Variants in KLF7 observed in about 807,000 individuals in gnomAD.
The protein encoded by KLF7 is Krueppel-like factor 7.
A neutral mutation model predicts 27.3 loss-of-function variants in KLF7; 2 were observed. The ratio of observed to expected loss-of-function variants is 0.07; its 90% CI spans 0.03 to 0.23. KLF7 has a LOEUF of 0.23. KLF7 is among the 10% of genes least tolerant of loss of function. The probability of loss-of-function intolerance (pLI) is 1.00; values close to 1 mark genes in which losing one functional copy is unlikely to be tolerated. For synonymous variants in KLF7, 165 were observed against 162.4 expected, an observed-to-expected ratio of 1.02 and a Z score of -0.12; for missense variants, 221 against 394.1, an observed-to-expected ratio of 0.56 and a Z score of 3.72.
At chr2:207,113,796 C>G (rs2077104809) in intron 2 of KLF7, among the ~76,000 whole-genome samples, 1 of 152,156 alleles carries the variant, frequency 6.6e-6, no homozygotes, top group Non-Finnish European at 1.5e-5. Flanking sequence ...CCCCTTCTCA[C>G]ATTTTCCTCA....
chr2:207,092,268 A>C (rs2076529524), intron 2 of KLF7, among the ~76,000 whole-genome samples: 1 of 152,214 alleles, frequency 6.6e-6, no homozygotes, highest in Non-Finnish European at 1.5e-5. Context: ...GAGAGACTTA[A>C]AAACCCAGGA....
chr2:207,085,827 C>CA (rs2076375207), intron 3 of KLF7, among the ~76,000 whole-genome samples: 1 of 152,164 alleles, frequency 6.6e-6, no homozygotes, highest in African/African-American at 2.4e-5. Context: ...GAAACATAGT[C>CA]ATCACATGGC....
chr2:207,087,603 G>C (rs2076420421), intron 3 of KLF7, among the ~76,000 whole-genome samples: 1 of 152,100 alleles, frequency 6.6e-6, no homozygotes, highest in Non-Finnish European at 1.5e-5. Context: ...TCATAACCGA[G>C]ACCTTTAGTA....
intron 2 of KLF7, among the ~76,000 whole-genome samples, chr2:207,112,701 T>C (rs986497155): frequency 6.6e-6 from 1 of 152,242 alleles, no homozygotes; most frequent in Non-Finnish European, 1.5e-5. Flanking sequence ...ATCACTTCAC[T>C]TCTAAAGAAT....
chr2:207,146,728 GA>G (rs539371765), intron 1 of KLF7, among the ~76,000 whole-genome samples: 3 of 150,868 alleles, frequency 2.0e-5, no homozygotes, highest in South Asian at 2.1e-4. Flanking sequence ...ACAAAAAGAA[GA>G]AAAAAAAACC....
intron 2 of KLF7, among the ~76,000 whole-genome samples, chr2:207,106,850 G>A (rs1156581660): frequency 6.6e-6 from 1 of 152,160 alleles, no homozygotes; most frequent in Non-Finnish European, 1.5e-5. Flanking sequence ...GGTGGGGTCT[G>A]CTCCACTGTC....
chr2:207,170,200 G>A (rs192523040), upstream of KLF7, among the ~76,000 whole-genome samples: 1 of 152,322 alleles, frequency 6.6e-6, no homozygotes, highest in East Asian at 1.9e-4. Context: ...CTGATATGGA[G>A]AACGTTTTAG....
intron 1 of KLF7, among the ~76,000 whole-genome samples, chr2:207,163,964 A>C (rs368276693): frequency 6.6e-6 from 1 of 152,262 alleles, no homozygotes; most frequent in South Asian, 2.1e-4. Context: ...AAAATATGTG[A>C]ACTGTGTATG....
chr2:207,091,770 T>C (rs1472166572), intron 2 of KLF7, among the ~76,000 whole-genome samples: 2 of 152,148 alleles, frequency 1.3e-5, no homozygotes, highest in African/African-American at 4.8e-5. Flanking sequence ...CAATTCCTAC[T>C]GGAAAGGCAG....
chr2:207,147,021 A>G (rs1337308067), intron 1 of KLF7, among the ~76,000 whole-genome samples: 1 of 152,174 alleles, frequency 6.6e-6, no homozygotes, highest in Non-Finnish European at 1.5e-5. Flanking sequence ...GCACTTGCCA[A>G]TTGGGTATAA....
intron 2 of KLF7, among the ~76,000 whole-genome samples, chr2:207,111,551 T>C (rs1429959523): frequency 6.6e-6 from 1 of 152,148 alleles, no homozygotes; most frequent in Non-Finnish European, 1.5e-5. Context: ...GTCAACCGGT[T>C]TGCTTGATGT....
chr2:207,084,745 C>G (rs1298394809), intron 3 of KLF7, among the ~76,000 whole-genome samples: 2 of 152,100 alleles, frequency 1.3e-5, no homozygotes, highest in African/African-American at 4.8e-5. Flanking sequence ...GAGTAATATA[C>G]CCCTAGAGGG....
At chr2:207,152,384 T>C (rs1442280703) in intron 1 of KLF7, among the ~76,000 whole-genome samples, 1 of 152,108 alleles carries the variant, frequency 6.6e-6, no homozygotes, top group African/African-American at 2.4e-5. Context: ...CAGGCTTTTT[T>C]GTTAATGAGG....
chr2:207,135,456 G>T (rs1167961731), intron 1 of KLF7, among the ~76,000 whole-genome samples: 1 of 149,800 alleles, frequency 6.7e-6, no homozygotes, highest in Non-Finnish European at 1.5e-5. Context: ...TTAATTTCCT[G>T]CTTCACCATG....
intron 1 of KLF7, among the ~76,000 whole-genome samples, chr2:207,161,510 C>T (rs1312538765): frequency 6.6e-6 from 1 of 152,214 alleles, no homozygotes; most frequent in Non-Finnish European, 1.5e-5. Flanking sequence ...ACAGACCCTA[C>T]AGTTTGCTTT....
chr2:207,128,916 A>G (rs1300204254), intron 1 of KLF7, among the ~76,000 whole-genome samples: 1 of 152,212 alleles, frequency 6.6e-6, no homozygotes, highest in Non-Finnish European at 1.5e-5. Context: ...GTCCTGAACC[A>G]GTAAAAGGAC....
chr2:207,105,210 G>A (rs767509782), intron 2 of KLF7, among the ~76,000 whole-genome samples: 1 of 152,170 alleles, frequency 6.6e-6, no homozygotes, highest in Non-Finnish European at 1.5e-5. Flanking sequence ...TTCTTAACCC[G>A]CACCTCAGTG....
intron 1 of KLF7, among the ~76,000 whole-genome samples, chr2:207,152,272 T>TACACACACACACACACACACAC (rs67380335): frequency 2.7e-5 from 4 of 150,462 alleles, no homozygotes; most frequent in African/African-American, 9.9e-5. Context: ...ATGTTTTTCT[T>TACACACACACACACACACACAC]ACACACACAC....
At chr2:207,151,432 C>T (rs939514672) in intron 1 of KLF7, among the ~76,000 whole-genome samples, 1 of 151,974 alleles carries the variant, frequency 6.6e-6, no homozygotes, top group African/African-American at 2.4e-5. Flanking sequence ...GTCTAATACT[C>T]CTCAAGTTCT....
Sources: gnomAD v4.1 joint callset for allele counts (sites outside exome capture counted in the v4.1 genomes callset) on GRCh38, gnomAD v4.1.1 for gene constraint, MANE v1.5 for transcripts, NCBI Gene and HGNC (gene_info 2026-07-23, HGNC 2026-07-21) for gene names.